PLCG2: variants seen among roughly 807,000 people sequenced by gnomAD.
PLCG2 encodes 1-phosphatidylinositol 4,5-bisphosphate phosphodiesterase gamma-2.
PLCG2 carries 69 observed loss-of-function variants against 175.6 expected under a neutral mutation model. The ratio of observed to expected loss-of-function variants is 0.39; its 90% confidence interval spans 0.32 to 0.48. PLCG2 has a LOEUF of 0.48. Among genes scored for constraint, PLCG2 ranks in the 20% least tolerant of loss-of-function variants. The probability of loss-of-function intolerance (pLI) is 0.91; values close to 1 mark genes in which losing one functional copy is unlikely to be tolerated. For synonymous variants in PLCG2, 827 were observed against 624.0 expected (o/e 1.33, Z -4.85); for missense variants, 1,798 against 1,650.9 (o/e 1.09, Z -1.54).
At chr16:81,907,658 G>A (rs753861455) in intron 15 of PLCG2, 27 bp from the exon 16 acceptor site, 1 of 1,549,228 alleles carries the variant, frequency 6.5e-7, no homozygotes, top group Middle Eastern at 1.7e-4. Context: ...GGACTTGGGG[G>A]GCACTAATAC....
At chr16:81,824,991 A>G (rs1904985129) in intron 2 of PLCG2, among the ~76,000 whole-genome samples, 5 of 152,172 alleles carry the variant, frequency 3.3e-5, no homozygotes, top group Non-Finnish European at 7.4e-5. Flanking sequence ...TTGAAGGTGG[A>G]GGAAGGGGCC....
In PLCG2 at chr16:81,900,483, T is replaced by A. The variant is rs1029961286; in HGVS notation, c.1194-129T>A. 7.1e-6 allele frequency: 5 copies of A among 699,872 alleles called. No homozygotes were observed. In the East Asian group the frequency reaches 1.5e-4, roughly 21 times the overall value. The allele number at this position is 699,872 out of a possible 1,614,324, so 43.4% of individuals were successfully genotyped here. A position where few individuals can be genotyped will look rare whatever the true frequency, so the allele number is the denominator to read the frequency against. On this transcript the variant is annotated intron_variant, in intron 13 of 32. Coordinates refer to ENST00000564138, the MANE Select transcript of PLCG2 (RefSeq NM_002661.5). ...GGTCCTCTCCTTCTGGGAGGGCAGATGTGGGGGTTGTGCCCCCCGAGCAGC... is the reference window on the plus strand; with the variant it reads ...GGTCCTCTCCTTCTGGGAGGGCAGAAGTGGGGGTTGTGCCCCCCGAGCAGC...
intron 13 of PLCG2, chr16:81,898,302 G>A (rs1294682727): frequency 1.3e-5 from 2 of 152,882 alleles, no homozygotes; most frequent in African/African-American, 2.4e-5. Context: ...GGTATTAAGA[G>A]GGATTTAAGA....
intron 2 of PLCG2, among the ~76,000 whole-genome samples, chr16:81,767,245 A>G (rs934883405): frequency 1.4e-4 from 20 of 148,128 alleles, no homozygotes; most frequent in African/African-American, 5.0e-4. Flanking sequence ...CCTGGGTTCA[A>G]GAGATTCTTG....
At chr16:81,768,356 C>T (rs1323509789) in intron 2 of PLCG2, among the ~76,000 whole-genome samples, 2 of 152,200 alleles carry the variant, frequency 1.3e-5, no homozygotes. Context: ...AATGAAACTA[C>T]TGTAAACATT....
rs954665377 is a variant in PLCG2, at chr16:81,787,549, T to A, written c.193+1367T>A. Among the ~76,000 whole-genome samples the A allele has an allele frequency of 1.3e-4, 20 of 149,628 alleles. No individual in the cohort carries two copies. The East Asian group carries it at 3.3e-3, about 25-fold the overall frequency. On this transcript the variant is annotated intron_variant, in intron 2 of 32. Transcript: ENST00000564138. ...AGCCTTGCACTCTTTTTTTTTTTTT[T>A]TATAATAGATTGATTGAGACATAAT... is the stretch of plus-strand genomic sequence containing the variant.
intron 2 of PLCG2, 41 bp downstream of exon 2, chr16:81,786,223 G>A: frequency 6.4e-7 from 1 of 1,563,074 alleles, no homozygotes; most frequent in East Asian, 2.3e-5. Flanking sequence ...CCGTCCTCTG[G>A]GGCCCTGGCC....
At chr16:81,801,533 C>T (rs1294512245) in intron 2 of PLCG2, among the ~76,000 whole-genome samples, 1 of 152,168 alleles carries the variant, frequency 6.6e-6, no homozygotes, top group Non-Finnish European at 1.5e-5. Context: ...CCTGTCAATG[C>T]TGGACATTTA....
chr16:81,851,107 C>A (rs1047509445), intron 2 of PLCG2, among the ~76,000 whole-genome samples: 2 of 152,168 alleles, frequency 1.3e-5, no homozygotes, highest in African/African-American at 2.4e-5. Context: ...TACTCTACCC[C>A]ACAAGGTTTA....
chr16:81,768,789 G>C (rs1910210669), intron 2 of PLCG2, among the ~76,000 whole-genome samples: 1 of 151,968 alleles, frequency 6.6e-6, no homozygotes, highest in South Asian at 2.1e-4. Context: ...CTGGTCTCCA[G>C]CTCCTGACCT....
At chr16:81,830,603 T>A (rs1229510150) in intron 2 of PLCG2, among the ~76,000 whole-genome samples, 1 of 151,968 alleles carries the variant, frequency 6.6e-6, no homozygotes, top group Non-Finnish European at 1.5e-5. Context: ...CCCCCATGCC[T>A]GGTAAGACTG....
At chr16:81,882,043 C>T (rs975951836) in intron 8 of PLCG2, among the ~76,000 whole-genome samples, 1 of 152,176 alleles carries the variant, frequency 6.6e-6, no homozygotes, top group African/African-American at 2.4e-5. Context: ...TCAAAGACAA[C>T]AGACTCCTGG....
chr16:81,757,555 C>G (rs1453199701), intron 2 of PLCG2, among the ~76,000 whole-genome samples: 5 of 151,936 alleles, frequency 3.3e-5, no homozygotes, highest in African/African-American at 1.2e-4. Flanking sequence ...CAGAGTGAGA[C>G]TCTGTCTCAA....
intron 2 of PLCG2, among the ~76,000 whole-genome samples, chr16:81,822,725 C>T (rs1327745612): frequency 7.5e-6 from 1 of 132,522 alleles, no homozygotes; most frequent in African/African-American, 2.9e-5. Context: ...CATGCCGCTG[C>T]ACTCCAGCCT....
chr16:81,797,610 G>C (rs547673591), intron 2 of PLCG2, among the ~76,000 whole-genome samples: 1 of 152,306 alleles, frequency 6.6e-6, no homozygotes, highest in South Asian at 2.1e-4. Context: ...TCAGATACCT[G>C]GTTAACAGAT....
chr16:81,837,576 C>T (rs771153378), intron 2 of PLCG2, among the ~76,000 whole-genome samples: 2 of 152,184 alleles, frequency 1.3e-5, no homozygotes, highest in Non-Finnish European at 2.9e-5. Flanking sequence ...GCGTTAACAA[C>T]AGGCAGTGCC....
intron 24 of PLCG2, among the ~76,000 whole-genome samples, chr16:81,929,010 C>A (rs1213263132): frequency 2.6e-5 from 4 of 152,350 alleles, no homozygotes; most frequent in Non-Finnish European, 4.4e-5. Flanking sequence ...CCAGCTCTGC[C>A]TCTCTGTCGC....
At chr16:81,909,379 G>A (rs1909518557) in intron 17 of PLCG2, among the ~76,000 whole-genome samples, 1 of 152,132 alleles carries the variant, frequency 6.6e-6, no homozygotes. Flanking sequence ...AAACCTTCCT[G>A]AAAGAAGATG....
In PLCG2 at chr16:81,923,552, G is replaced by A. The variant is rs202210217; in HGVS notation, c.2375G>A (p.Arg792His). The A allele has an allele frequency of 6.2e-6, 10 of 1,613,658 alleles. No homozygotes were observed. Among genetic ancestry groups the A allele is most frequent in the East Asian group, 4.5e-5 (2 of 44,874 alleles). ...AKRSDELSFCRGALIHNVSKE... is the reference protein window; with the variant it reads ...AKRSDELSFCHGALIHNVSKE... ...CGAAGCGATGAGCTGAGCTTCTGCC[G>A]TGGTGCCCTCATCCACAATGTCTCC... Residue 792 changes from arginine (R) to histidine (H), a missense_variant, in exon 22 of 33, where the codon CGT (arginine) becomes CAT (histidine). Arg to His is a conservative substitution (Grantham distance 29). Coordinates refer to ENST00000564138, the MANE Select transcript of PLCG2 (RefSeq NM_002661.5).
Sources: allele counts gnomAD v4.1 joint callset (sites outside exome capture counted in the v4.1 genomes callset), GRCh38; gene constraint gnomAD v4.1.1; transcripts MANE v1.5; gene names NCBI Gene and HGNC (gene_info 2026-07-23, HGNC 2026-07-21).